The following ROBO2 variants were observed in gnomAD, a reference collection of about 807,000 sequenced individuals.
ROBO2 encodes roundabout guidance receptor 2.
Under a neutral mutation model 160.8 loss-of-function variants are expected in ROBO2, and 53 were observed. The observed-to-expected ratio is 0.33, with a 90% CI of 0.26 to 0.41. ROBO2 has a LOEUF of 0.41. Among genes scored for constraint, ROBO2 ranks in the 10% least tolerant of loss-of-function variants. The pLI is 1.00. For missense variants in ROBO2, 1,577 were observed against 1,722.4 expected (o/e 0.92, Z 1.49); for synonymous variants, 664 against 611.7 (o/e 1.09, Z -1.26).
intron 4 of ROBO2, 113 bp from the exon 5 acceptor site, chr3:77,493,131 T>G (rs1279568346): frequency 9.8e-7 from 1 of 1,022,736 alleles, no homozygotes; most frequent in African/African-American, 1.6e-5. Context: ...GGTACAGAGT[T>G]AGGTACCTGT....
At chr3:76,224,614 A>T (rs565629855) in intron 2 of ROBO2, among the ~76,000 whole-genome samples, 1 of 152,300 alleles carries the variant, frequency 6.6e-6, no homozygotes, top group South Asian at 2.1e-4. Context: ...TTTACCAGCT[A>T]TTGGAGCATC....
chr3:76,498,157 A>T (rs10511048), intron 2 of ROBO2, among the ~76,000 whole-genome samples: 52,278 of 152,066 alleles, frequency 0.34, 9,354 homozygotes, highest in East Asian at 0.4. Context: ...AAAAGTGTAT[A>T]TGTACTCCAA....
At chr3:75,977,695 A>G (rs2065168567) in intron 2 of ROBO2, among the ~76,000 whole-genome samples, 2 of 151,682 alleles carry the variant, frequency 1.3e-5, no homozygotes, top group African/African-American at 4.8e-5. Flanking sequence ...GTGAACTGCC[A>G]TATTGATACA....
chr3:76,055,069 C>T (rs1286222324), intron 2 of ROBO2, among the ~76,000 whole-genome samples: 1 of 152,170 alleles, frequency 6.6e-6, no homozygotes, highest in Non-Finnish European at 1.5e-5. Flanking sequence ...GCCTTGCAAT[C>T]ATGGCTGAAG....
intron 2 of ROBO2, among the ~76,000 whole-genome samples, chr3:76,314,199 G>A (rs2071806975): frequency 6.6e-6 from 1 of 152,056 alleles, no homozygotes; most frequent in African/African-American, 2.4e-5. Flanking sequence ...TTAATTTAGA[G>A]CATGACATAA....
chr3:77,363,129 A>G (rs1037010633), intron 2 of ROBO2, among the ~76,000 whole-genome samples: 5 of 152,184 alleles, frequency 3.3e-5, no homozygotes, highest in Non-Finnish European at 7.3e-5. Flanking sequence ...CAGTGAGCAT[A>G]GAAAGTGTTA....
At chr3:77,500,070 T>G (rs1233859672) in intron 5 of ROBO2, among the ~76,000 whole-genome samples, 1 of 152,214 alleles carries the variant, frequency 6.6e-6, no homozygotes, top group Admixed American at 6.6e-5. Context: ...CCACCTCCAG[T>G]GCAATCAGTC....
At chr3:76,965,082 G>A (rs1326013753) in intron 2 of ROBO2, among the ~76,000 whole-genome samples, 1 of 152,228 alleles carries the variant, frequency 6.6e-6, no homozygotes, top group Non-Finnish European at 1.5e-5. Flanking sequence ...AGATACAAGA[G>A]TAGGTGGACA....
chr3:76,590,262 C>T (rs752927107), intron 2 of ROBO2, among the ~76,000 whole-genome samples: 2 of 152,130 alleles, frequency 1.3e-5, no homozygotes, highest in Non-Finnish European at 2.9e-5. Flanking sequence ...AGTAATTTAA[C>T]TCTGTCTCCC....
intron 2 of ROBO2, among the ~76,000 whole-genome samples, chr3:76,997,788 G>A (rs2149402547): frequency 6.6e-6 from 1 of 152,260 alleles, no homozygotes; most frequent in East Asian, 1.9e-4. Flanking sequence ...TGCTTACGAA[G>A]CTGTGGATCT....
chr3:76,457,335 C>A (rs1318115865), intron 2 of ROBO2, among the ~76,000 whole-genome samples: 1 of 152,180 alleles, frequency 6.6e-6, no homozygotes, highest in Non-Finnish European at 1.5e-5. Context: ...CCACGCAAGT[C>A]CGAAATCCAG....
intron 17 of ROBO2, among the ~76,000 whole-genome samples, chr3:77,589,751 A>G (rs1286871130): frequency 6.6e-6 from 1 of 152,148 alleles, no homozygotes; most frequent in African/African-American, 2.4e-5. Flanking sequence ...AGCAATGTTC[A>G]ATTACAATTT....
intron 2 of ROBO2, among the ~76,000 whole-genome samples, chr3:76,032,380 A>G (rs2066953175): frequency 1.3e-5 from 2 of 151,756 alleles, no homozygotes; most frequent in Admixed American, 1.3e-4. Flanking sequence ...GATCTTAGCT[A>G]TTTCCTGCCT....
intron 2 of ROBO2, among the ~76,000 whole-genome samples, chr3:76,318,982 A>T (rs2072282021): frequency 6.6e-6 from 1 of 152,132 alleles, no homozygotes; most frequent in Admixed American, 6.5e-5. Flanking sequence ...GCTGTTAAGG[A>T]TTTTAGTTTC....
chr3:77,504,104 G>A (rs1362413440), intron 5 of ROBO2, among the ~76,000 whole-genome samples: 1 of 152,158 alleles, frequency 6.6e-6, no homozygotes, highest in Non-Finnish European at 1.5e-5. Context: ...GGCTCAGTGA[G>A]TCCTTGCCGA....
intron 2 of ROBO2, among the ~76,000 whole-genome samples, chr3:76,812,094 T>C (rs532485649): frequency 6.6e-6 from 1 of 151,800 alleles, no homozygotes; most frequent in South Asian, 2.1e-4. Context: ...AGGATGGTCT[T>C]GATCTCTGGA....
chr3:76,642,654 C>T (rs1248424757), intron 2 of ROBO2, among the ~76,000 whole-genome samples: 1 of 151,866 alleles, frequency 6.6e-6, no homozygotes, highest in Non-Finnish European at 1.5e-5. Context: ...GCCCAGCCTA[C>T]ACCTGCTCTT....
intron 2 of ROBO2, among the ~76,000 whole-genome samples, chr3:76,549,836 T>C (rs1359977158): frequency 6.6e-6 from 1 of 152,208 alleles, no homozygotes; most frequent in Non-Finnish European, 1.5e-5. Flanking sequence ...TCTGGAAGCT[T>C]TCACATATCT....
At chr3:76,336,413 T>C (rs2073895938) in intron 2 of ROBO2, among the ~76,000 whole-genome samples, 1 of 152,086 alleles carries the variant, frequency 6.6e-6, no homozygotes, top group African/African-American at 2.4e-5. Context: ...AATAAGAAAA[T>C]GGGTAGTGGT....
Sources: gnomAD v4.1 joint callset for allele counts (sites outside exome capture counted in the v4.1 genomes callset) on GRCh38, gnomAD v4.1.1 for gene constraint, MANE v1.5 for transcripts, NCBI Gene and HGNC (gene_info 2026-07-23, HGNC 2026-07-21) for gene names.